The following KLC4 variants were observed in gnomAD, a reference collection of about 807,000 sequenced individuals.
KLC4 encodes the protein kinesin light chain 4, also known as kinesin-like protein 8.
Under a neutral mutation model 77.2 loss-of-function variants are expected in KLC4, and 49 were observed. The ratio of observed to expected loss-of-function variants is 0.63; its 90% CI spans 0.50 to 0.80. The LOEUF (loss-of-function observed/expected upper bound fraction) is 0.80. KLC4 is among the 30% of genes least tolerant of loss of function. KLC4 has a pLI of 0.00. For synonymous variants in KLC4, 274 were observed against 314.5 expected (o/e 0.87, Z 1.36); for missense variants, 669 against 793.5 (o/e 0.84, Z 1.89).
chr6:43,061,439 C>G lies in KLC4; in HGVS notation c.104C>G (p.Ala35Gly). 2 of 1,614,186 alleles carry G rather than the reference C, an allele frequency of 1.2e-6. No homozygotes were observed. The highest frequency in any genetic ancestry group is 1.7e-6 in the Non-Finnish European group (2 of 1,180,036). Residue 35 changes from alanine (A) to glycine (G), a missense_variant, in exon 2 of 16, where the codon GCC (alanine) becomes GGC (glycine). Coordinates refer to ENST00000347162, the MANE Select transcript of KLC4 (RefSeq NM_201521.3). ...STRLVSQGLE[A>G]LRSEHQAVLQ... Reference sequence around the variant, plus strand: ...CGGCTGGTCAGCCAAGGGCTAGAGGCCCTACGCAGTGAACACCAGGCCGTG... The same window carrying G: ...CGGCTGGTCAGCCAAGGGCTAGAGGGCCTACGCAGTGAACACCAGGCCGTG...
chr6:43,069,089 T>C (rs1290652433), intron 6 of KLC4, among the ~76,000 whole-genome samples: 13 of 152,044 alleles, frequency 8.6e-5, no homozygotes, highest in African/African-American at 3.1e-4. Flanking sequence ...ACCTGGGTGA[T>C]GGGGTGAGAC....
intron 6 of KLC4, among the ~76,000 whole-genome samples, chr6:43,068,111 C>CAAAAAAAAAAAAAA: frequency 4.0e-5 from 1 of 25,228 alleles, no homozygotes; most frequent in Non-Finnish European, 6.8e-5. Context: ...GACTCCGTCT[C>CAAAAAAAAAAAAAA]AAAAAAAAAA....
At position 43,071,284 on chromosome 6, in the gene KLC4, T is replaced by C; in HGVS notation, c.1165T>C (p.Tyr389His). 6.2e-7 allele frequency: 1 copy of C among 1,613,096 alleles called. No homozygotes were observed. Among genetic ancestry groups the C allele is most frequent in the Non-Finnish European group, 8.5e-7 (1 of 1,179,258 alleles). ...CCTTTCTGTCCTCCAGGCTTCCTGTTACCTGAAACAGGGCAAATATGCTGA... is the reference window on the plus strand; with the variant it reads ...CCTTTCTGTCCTCCAGGCTTCCTGTCACCTGAAACAGGGCAAATATGCTGA... Reference protein sequence around the residue: ...ARTKNNLASCYLKQGKYAEAE... With the variant: ...ARTKNNLASCHLKQGKYAEAE... The change falls in exon 9 of 16, where the codon TAC becomes CAC. Residue 389 changes from tyrosine to histidine, a missense_variant. Tyr to His is a moderately conservative substitution (Grantham distance 83, BLOSUM62 2). Transcript: ENST00000347162.
rs754855244 is a variant in KLC4, at chr6:43,060,295, C to T, written c.-26+610C>T. The T allele has an allele frequency of 1.1e-5, 18 of 1,608,386 alleles. No individual in the cohort carries two copies. In the South Asian group the frequency reaches 1.4e-4, roughly 13 times the overall value. On this transcript the variant is annotated intron_variant, in intron 1 of 15. Transcript: ENST00000347162. ...TCTTGCTGTAGGTCTCTGGTTAAGT[C>T]TCTCTCTCTCATTCCCTTCCTGGGA...
chr6:43,067,708 T>C (rs188646767), intron 6 of KLC4, among the ~76,000 whole-genome samples: 3,309 of 142,820 alleles, frequency 0.023, 55 homozygotes, highest in Non-Finnish European at 0.034. Flanking sequence ...GGCAGGAGAA[T>C]GGCGTGAACC....
chr6:43,071,664 CG>C, intron 10 of KLC4, 45 bp downstream of exon 10: 1 of 1,589,080 alleles, frequency 6.3e-7, no homozygotes, highest in Non-Finnish European at 8.6e-7. Flanking sequence ...TCAAGGCTAC[CG>C]GGGTCTCTGT....
Position 43,072,838 on chromosome 6 carries a change from C to T in KLC4, c.1503C>T (p.Ile501=). ...TTTCCTTCCAGGGCACTGACCCTAT[C>T]AGCCAGACGAAGGTGGCAGAGCTGC... The part of the protein sequence containing the change: ...LRSRRQGTDP[I]SQTKVAELLG... Residue 501 remains isoleucine (I), a synonymous_variant, in exon 13 of 16, where the codon ATC becomes ATT. Coordinates refer to ENST00000347162, the MANE Select transcript of KLC4 (RefSeq NM_201521.3). 2 of 1,613,962 alleles carry T rather than the reference C, an allele frequency of 1.2e-6. No individual in the cohort carries two copies. Among genetic ancestry groups the T allele is most frequent in the Non-Finnish European group, 1.7e-6 (2 of 1,179,894 alleles).
intron 1 of KLC4, chr6:43,060,007 C>A: frequency 7.1e-7 from 1 of 1,410,122 alleles, no homozygotes; most frequent in Non-Finnish European, 9.3e-7. Context: ...CAACCCTGGG[C>A]ACCAGGGCAG....
Position 43,059,677 on chromosome 6 carries a change from A to G in KLC4, c.-34A>G. The G allele has an allele frequency of 7.5e-7, 1 of 1,337,296 alleles. No individual in the cohort carries two copies. The highest frequency in any genetic ancestry group is 1.5e-5 in the African/African-American group (1 of 67,266). The allele number at this position is 1,337,296 out of a possible 1,614,324, so 82.8% of individuals were successfully genotyped here. On this transcript the variant is annotated 5_prime_UTR_variant, in exon 1 of 16. Coordinates refer to ENST00000347162, the MANE Select transcript of KLC4 (RefSeq NM_201521.3). ...CGGCAAGAGCGGCAGCCACACCGGCAGATTGCAGGTGAGTCTTTGAGGGTA... is the reference window on the plus strand; with the variant it reads ...CGGCAAGAGCGGCAGCCACACCGGCGGATTGCAGGTGAGTCTTTGAGGGTA...
Position 43,066,394 on chromosome 6 carries a change from G to A in KLC4, c.660G>A (p.Gln220=). 1.2e-6 allele frequency: 2 copies of A among 1,614,214 alleles called. No individual in the cohort carries two copies. The highest frequency in any genetic ancestry group is 1.3e-5 in the African/African-American group (1 of 75,034). The change falls in exon 5 of 16, where the codon CAG becomes CAA. Residue 220 remains glutamine (Q), a synonymous_variant. Transcript: ENST00000347162. ...RLRTLHNLVI[Q]YAAQGRYEVA... ...GGACGTTGCACAACCTGGTGATCCA[G>A]TACGCAGCCCAAGGTCGCTATGAGG... is the stretch of plus-strand genomic sequence containing the variant.
rs1443469751 is a variant in KLC4 at position 43,069,132 on chromosome 6, TATAAA to T, written c.880-1221_880-1217del. On this transcript the variant is annotated intron_variant, in intron 6 of 15. Coordinates refer to ENST00000347162, the MANE Select transcript of KLC4 (RefSeq NM_201521.3). Reference sequence around the variant, plus strand: ...TAAAATAAATAAATAAATAAATAAATATAAATAAAAGGAAAGAGAGAAACAACCTT... The same window carrying T: ...TAAAATAAATAAATAAATAAATAAATTAAAAGGAAAGAGAGAAACAACCTT... 7.0e-4 allele frequency among the ~76,000 whole-genome samples: 107 copies of T among 151,892 alleles called. 1 individual carries two copies. The highest frequency in any genetic ancestry group is 1.6e-4 in the Non-Finnish European group (11 of 67,922).
At chr6:43,061,111 C>A in intron 1 of KLC4, 200 bp from the exon 2 acceptor site, 1 of 596,508 alleles carries the variant, frequency 1.7e-6, no homozygotes, top group Non-Finnish European at 3.0e-6. Flanking sequence ...CAGTTCATCT[C>A]CCTCTCGCTT....
At chr6:43,065,082 T>C (rs1257979243) in intron 3 of KLC4, among the ~76,000 whole-genome samples, 2 of 152,168 alleles carry the variant, frequency 1.3e-5, no homozygotes, top group Non-Finnish European at 2.9e-5. Flanking sequence ...TTTTCTTTTT[T>C]TTTTGTTTTG....
At chr6:43,066,975 G>A (rs774173352) in intron 5 of KLC4, 21 bp from the exon 6 acceptor site, 7 of 1,605,182 alleles carry the variant, frequency 4.4e-6, no homozygotes, top group Non-Finnish European at 4.3e-6. Context: ...GGTAACTCCT[G>A]TCACTTTTGT....
chr6:43,072,681 T>C (rs1765789170), intron 12 of KLC4, 143 bp from the exon 13 acceptor site: 2 of 708,526 alleles, frequency 2.8e-6, no homozygotes, highest in Non-Finnish European at 4.7e-6. Flanking sequence ...ATAGAAAAGG[T>C]AAGTATTATT....
chr6:43,071,407 G>C, intron 9 of KLC4, 33 bp downstream of exon 9: 2 of 1,578,772 alleles, frequency 1.3e-6, no homozygotes, highest in Non-Finnish European at 1.7e-6. Flanking sequence ...AGGGGCTGTG[G>C]GGAAGAAAAG....
In KLC4 at chr6:43,062,852, C is replaced by T. The variant is rs144375212; in HGVS notation, c.259-65C>T. 9.4e-6 allele frequency: 13 copies of T among 1,387,044 alleles called. No individual in the cohort carries two copies. The East Asian group carries it at 2.8e-4, about 30-fold the overall frequency. 85.9% of individuals were successfully genotyped at this position (1,387,044 alleles called of 1,614,324 possible). ...CAGTCTTGCCACGTCCCAGTAGGCT[C>T]CCCTTCCACCTGTTCCTGAATACTC... On this transcript the variant is annotated intron_variant, in intron 2 of 15. Coordinates refer to ENST00000347162, the MANE Select transcript of KLC4 (RefSeq NM_201521.3).
At chr6:43,070,108 AAAAG>A (rs147504142) in intron 6 of KLC4, among the ~76,000 whole-genome samples, 30,491 of 146,522 alleles carry the variant, frequency 0.21, 4,881 homozygotes, top group African/African-American at 0.47. Flanking sequence ...AAAAAAAAAA[AAAAG>A]AAAGAAAAAA....
chr6:43,060,435 TG>T (rs761324759), intron 1 of KLC4: 123 of 1,445,554 alleles, frequency 8.5e-5, no homozygotes, highest in Non-Finnish European at 1.1e-4. Context: ...TTGTCCTGGG[TG>T]GGGCTCTGGG....
Sources: gnomAD v4.1 joint callset for allele counts (sites outside exome capture counted in the v4.1 genomes callset) on GRCh38, gnomAD v4.1.1 for gene constraint, MANE v1.5 for transcripts, NCBI Gene and HGNC (gene_info 2026-07-23, HGNC 2026-07-21) for gene names.